MYO16: variants seen among roughly 807,000 people sequenced by gnomAD.
MYO16 encodes the protein myosin XVI.
A neutral mutation model predicts 205.3 loss-of-function variants in MYO16; 94 were observed. The observed-to-expected ratio is 0.46, with a 90% CI of 0.39 to 0.54. The LOEUF is 0.54. Among genes scored for constraint, MYO16 ranks in the 20% least tolerant of loss-of-function variants. The pLI is 0.00. For synonymous variants in MYO16, 988 were observed against 954.0 expected (o/e 1.04, Z -0.66); for missense variants, 2,315 against 2,387.5 (o/e 0.97, Z 0.63).
At chr13:108,776,838 T>C (rs926919721) in intron 4 of MYO16, among the ~76,000 whole-genome samples, 1 of 152,196 alleles carries the variant, frequency 6.6e-6, no homozygotes, top group Non-Finnish European at 1.5e-5. Flanking sequence ...AAGCAGTTTC[T>C]CCAAGGTCAC....
At chr13:108,936,281 T>C (rs1882488429) in intron 16 of MYO16, among the ~76,000 whole-genome samples, 1 of 152,084 alleles carries the variant, frequency 6.6e-6, no homozygotes. Context: ...TTTTCTATAG[T>C]TTCATTAGAA....
intron 4 of MYO16, among the ~76,000 whole-genome samples, chr13:108,743,471 TA>T (rs1369634994): frequency 2.6e-5 from 4 of 152,216 alleles, no homozygotes; most frequent in East Asian, 1.9e-4. Flanking sequence ...AGGAGCTCTT[TA>T]AAGATTTTTT....
At chr13:108,814,039 G>A (rs1366864635) in intron 7 of MYO16, among the ~76,000 whole-genome samples, 1 of 152,120 alleles carries the variant, frequency 6.6e-6, no homozygotes, top group East Asian at 1.9e-4. Flanking sequence ...ATTTTTACAG[G>A]CCTGAAATAA....
intron 5 of MYO16, among the ~76,000 whole-genome samples, chr13:108,792,404 C>T (rs879021324): frequency 6.6e-6 from 1 of 152,084 alleles, no homozygotes; most frequent in Admixed American, 6.5e-5. Flanking sequence ...TGTTAACACT[C>T]GCATAGCCAT....
chr13:108,741,003 A>G (rs968713825), intron 4 of MYO16, among the ~76,000 whole-genome samples: 3 of 152,066 alleles, frequency 2.0e-5, no homozygotes, highest in Admixed American at 6.5e-5. Context: ...TTAGGGTGGG[A>G]GTGACCCGAT....
chr13:108,973,723 G>A (rs1207155455), intron 20 of MYO16, among the ~76,000 whole-genome samples: 1 of 152,192 alleles, frequency 6.6e-6, no homozygotes, highest in African/African-American at 2.4e-5. Context: ...TATTAGGTGA[G>A]TACATTCATC....
intron 20 of MYO16, among the ~76,000 whole-genome samples, chr13:108,979,281 C>T (rs1213140815): frequency 2.6e-5 from 4 of 151,194 alleles, no homozygotes; most frequent in African/African-American, 9.7e-5. Context: ...ATATTTGTTT[C>T]ATAGTTTCCA....
intron 33 of MYO16, among the ~76,000 whole-genome samples, chr13:109,179,077 T>C (rs556453566): frequency 6.6e-6 from 1 of 152,272 alleles, no homozygotes; most frequent in East Asian, 1.9e-4. Flanking sequence ...CTACAGCCAG[T>C]GGAATTCATC....
intron 3 of MYO16, among the ~76,000 whole-genome samples, chr13:108,714,431 A>G (rs1883854261): frequency 1.3e-5 from 2 of 152,152 alleles, no homozygotes; most frequent in South Asian, 2.1e-4. Flanking sequence ...TTCCATGAAC[A>G]TATCAGTGCA....
chr13:108,643,618 A>G lies in MYO16; in HGVS notation c.28+13746A>G, dbSNP rs1326032723. 2.0e-5 allele frequency among the ~76,000 whole-genome samples: 3 copies of G among 152,336 alleles called. No individual in the cohort carries two copies. In the East Asian group the frequency reaches 5.8e-4, roughly 29 times the overall value. On this transcript the variant is annotated intron_variant, in intron 1 of 34. Transcript: ENST00000457511. Reference sequence around the variant, plus strand: ...ATCTGGCAATCATCCATGTTGATGCATATATCACAGGTTTATTCATTTTTA... The same window carrying G: ...ATCTGGCAATCATCCATGTTGATGCGTATATCACAGGTTTATTCATTTTTA...
At chr13:108,631,988 G>A (rs1191900384) in intron 1 of MYO16, among the ~76,000 whole-genome samples, 1 of 147,898 alleles carries the variant, frequency 6.8e-6, no homozygotes, top group Non-Finnish European at 1.5e-5. Context: ...TGAGGCAGGA[G>A]AATTGCTTGA....
At position 109,206,896 on chromosome 13, in the gene MYO16, C is replaced by T; in HGVS notation, c.*60C>T. 2 of 1,478,284 alleles carry T rather than the reference C, an allele frequency of 1.4e-6. No individual in the cohort carries two copies. The highest frequency in any genetic ancestry group is 3.5e-4 in the Middle Eastern group (2 of 5,646). 91.6% of individuals were successfully genotyped at this position (1,478,284 alleles called of 1,614,324 possible). A position where few individuals can be genotyped will look rare whatever the true frequency, so the allele number is the denominator to read the frequency against. ...GCCTACTGATTCCGGGCTGCAACAA[C>T]AGAAGGCTGCCTTCTGACATGCGCT... On this transcript the variant is annotated 3_prime_UTR_variant, in exon 35 of 35. Transcript: ENST00000457511.
intron 25 of MYO16, among the ~76,000 whole-genome samples, chr13:109,054,614 G>A (rs1365006486): frequency 1.3e-5 from 2 of 152,062 alleles, no homozygotes; most frequent in African/African-American, 4.8e-5. Context: ...ACTAAAATGA[G>A]TGCAGGATGG....
At chr13:108,890,104 A>ATATTTTT (rs1880093815) in intron 14 of MYO16, among the ~76,000 whole-genome samples, 1 of 94,888 alleles carries the variant, frequency 1.1e-5, no homozygotes, top group African/African-American at 4.2e-5. Flanking sequence ...TAATTTTTGT[A>ATATTTTT]TTTTTTTTTT....
At chr13:109,068,367 T>G (rs1465287659) in intron 27 of MYO16, among the ~76,000 whole-genome samples, 1 of 152,192 alleles carries the variant, frequency 6.6e-6, no homozygotes, top group African/African-American at 2.4e-5. Context: ...CAGGTCACTC[T>G]GCCTCCATCT....
At chr13:108,830,718 A>G (rs1270699952) in intron 9 of MYO16, among the ~76,000 whole-genome samples, 3 of 151,806 alleles carry the variant, frequency 2.0e-5, no homozygotes, top group East Asian at 2.0e-4. Flanking sequence ...TATGTAACTA[A>G]CCGGCCCATT....
At chr13:108,868,568 A>AGGG (rs889188660) in intron 12 of MYO16, among the ~76,000 whole-genome samples, 7 of 152,156 alleles carry the variant, frequency 4.6e-5, no homozygotes, top group Non-Finnish European at 7.4e-5. Context: ...TGCAAGAAGT[A>AGGG]GGGGTCAAGA....
intron 23 of MYO16, among the ~76,000 whole-genome samples, chr13:109,039,593 A>G (rs1886819381): frequency 6.6e-6 from 1 of 152,238 alleles, no homozygotes; most frequent in South Asian, 2.1e-4. Context: ...GCCCTTCCAA[A>G]TAATCCATGG....
At chr13:108,520,802 T>C in the MYO16 span, among the ~76,000 whole-genome samples, 1 of 152,218 alleles carries the variant, frequency 6.6e-6, no homozygotes, top group Admixed American at 6.5e-5. Context: ...TCCCTATGTA[T>C]AGACAGTAAG....
Sources: gnomAD v4.1 joint callset for allele counts (sites outside exome capture counted in the v4.1 genomes callset) on GRCh38, gnomAD v4.1.1 for gene constraint, MANE v1.5 for transcripts, NCBI Gene and HGNC (gene_info 2026-07-23, HGNC 2026-07-21) for gene names.